Variants in EHMT1 observed in about 807,000 individuals in gnomAD.
EHMT1 encodes euchromatic histone lysine methyltransferase 1.
Under a neutral mutation model 147.2 loss-of-function variants are expected in EHMT1, and 15 were observed. The ratio of observed to expected loss-of-function variants is 0.10; its 90% confidence interval spans 0.07 to 0.16. The LOEUF (loss-of-function observed/expected upper bound fraction) is 0.16, where lower values mean the gene tolerates loss of function less well. EHMT1 is among the 10% of genes least tolerant of loss of function. EHMT1 has a pLI of 1.00. For missense variants in EHMT1, 1,587 were observed against 1,772.4 expected, an observed-to-expected ratio of 0.90 and a Z score of 1.88; for synonymous variants, 795 against 709.6, an observed-to-expected ratio of 1.12 and a Z score of -1.91.
At chr9:137,723,441 G>T (rs1276693980) in intron 3 of EHMT1, among the ~76,000 whole-genome samples, 2 of 139,674 alleles carry the variant, frequency 1.4e-5, no homozygotes, top group Non-Finnish European at 3.1e-5. Flanking sequence ...TGAGCCCGGG[G>T]TGTGCCCTGT....
At chr9:137,625,243 T>A (rs1843182192) in intron 1 of EHMT1, among the ~76,000 whole-genome samples, 1 of 152,240 alleles carries the variant, frequency 6.6e-6, no homozygotes, top group Non-Finnish European at 1.5e-5. Flanking sequence ...TTAGGATCGT[T>A]GCATCCGTGA....
At chr9:137,631,491 A>G (rs1843628727) in intron 1 of EHMT1, among the ~76,000 whole-genome samples, 1 of 152,220 alleles carries the variant, frequency 6.6e-6, no homozygotes. Context: ...ATTACTGTGC[A>G]TATTTCATGA....
chr9:137,812,725 C>A (rs888688868), intron 19 of EHMT1, among the ~76,000 whole-genome samples: 3 of 152,202 alleles, frequency 2.0e-5, no homozygotes, highest in Non-Finnish European at 4.4e-5. Context: ...ATGAAAAATC[C>A]AAGAAAAATC....
At chr9:137,724,042 C>G (rs1946347530) in intron 3 of EHMT1, among the ~76,000 whole-genome samples, 1 of 152,216 alleles carries the variant, frequency 6.6e-6, no homozygotes, top group Admixed American at 6.5e-5. Context: ...GTTGGCAGCT[C>G]CATTTCCTTG....
chr9:137,828,581 T>G lies in EHMT1; in HGVS notation c.3541-5768T>G, dbSNP rs1588919156. ...GCCACAAAGTGTGCTCCTGCGGGGG[T>G]GCGGGGTGGGGGAGGTACCACGTCT... is the stretch of plus-strand genomic sequence containing the variant. On this transcript the variant is annotated intron_variant, in intron 25 of 26. Transcript: ENST00000460843. This position sits in a 1 kb window ranked among gnomAD's most constrained non-coding sequence, Gnocchi z 5.3. Among the ~76,000 whole-genome samples the G allele has an allele frequency of 2.7e-5, 4 of 148,268 alleles. No individual in the cohort carries two copies. The highest frequency in any genetic ancestry group is 2.0e-4 in the East Asian group (1 of 4,980).
rs1047111459 is a variant in EHMT1 at position 137,639,641 on chromosome 9, G to T, written c.21+20592G>T. ...GTATAGCCACTTCAGTTTTTTTATG[G>T]TTTATTTTTGCATACTATATCTTTT... On this transcript the variant is annotated intron_variant, in intron 1 of 26. Coordinates refer to ENST00000460843, the MANE Select transcript of EHMT1 (RefSeq NM_024757.5). Among the ~76,000 whole-genome samples the T allele has an allele frequency of 1.2e-4, 19 of 152,080 alleles. No individual in the cohort carries two copies. In the East Asian group the frequency reaches 3.7e-3, roughly 29 times the overall value.
intron 2 of EHMT1, among the ~76,000 whole-genome samples, chr9:137,714,096 G>T (rs1944983650): frequency 6.6e-6 from 1 of 152,154 alleles, no homozygotes; most frequent in Admixed American, 6.6e-5. Context: ...GGGCTCATTT[G>T]GTTTCTTCCA....
chr9:137,624,269 A>G (rs2501554), intron 1 of EHMT1, among the ~76,000 whole-genome samples: 38,579 of 149,720 alleles, frequency 0.26, 6,622 homozygotes, highest in African/African-American at 0.47. Flanking sequence ...TCAAAGTGCT[A>G]GGATTACAGG....
rs562901927 is a variant in EHMT1 at position 137,807,264 on chromosome 9, T to G, written c.2713-4197T>G. ...AATTATTATTTTTTCCCTCTGTGTT[T>G]CAGTTGAGCAGGTTTTTGTTGGTTT... On this transcript the variant is annotated intron_variant, in intron 18 of 26. Coordinates refer to ENST00000460843, the MANE Select transcript of EHMT1 (RefSeq NM_024757.5). Among the ~76,000 whole-genome samples, 7 of 152,298 alleles carry G rather than the reference T, an allele frequency of 4.6e-5. 1 individual carries two copies. The East Asian group carries it at 1.4e-3, about 29-fold the overall frequency.
intron 10 of EHMT1, chr9:137,764,530 A>G (rs2136399139): frequency 6.6e-6 from 1 of 152,258 alleles, no homozygotes. Flanking sequence ...TGAACTACTT[A>G]CTGTTTTAAA....
At chr9:137,821,584 G>A (rs150954062) in intron 25 of EHMT1, among the ~76,000 whole-genome samples, 26 of 152,080 alleles carry the variant, frequency 1.7e-4, no homozygotes, top group African/African-American at 6.3e-4. Context: ...CTCCCACCTT[G>A]GCTTCCCAAA....
intron 18 of EHMT1, chr9:137,803,200 A>G (rs1269354747): frequency 1.7e-6 from 2 of 1,189,644 alleles, no homozygotes; most frequent in Admixed American, 4.5e-5. Context: ...TATTTATACA[A>G]TGAAACACTT....
chr9:137,646,450 G>A (rs1415807839), intron 1 of EHMT1: 1 of 985,058 alleles, frequency 1.0e-6, no homozygotes, highest in East Asian at 1.1e-4. Flanking sequence ...TAAGAGGGCT[G>A]AATGGGAGCC....
chr9:137,720,063 G>A (rs1174141803), intron 3 of EHMT1, among the ~76,000 whole-genome samples: 1 of 87,920 alleles, frequency 1.1e-5, no homozygotes, highest in East Asian at 2.8e-4. Context: ...TCGAGGTGCC[G>A]AACCCCCTCC....
chr9:137,689,528 C>A (rs1487903982), intron 1 of EHMT1, among the ~76,000 whole-genome samples: 4 of 152,014 alleles, frequency 2.6e-5, no homozygotes, highest in Non-Finnish European at 5.9e-5. Context: ...CATGGTGAAA[C>A]CCTGTCTCTA....
rs1950924929 is a variant in EHMT1 at position 137,775,956 on chromosome 9, CCT to C, written c.1792-661_1792-660del. On this transcript the variant is annotated intron_variant, in intron 11 of 26. Transcript: ENST00000460843. This position sits in a 1 kb window ranked among gnomAD's most constrained non-coding sequence, Gnocchi z 6.1. ...GCCTGTAAGCGTCTGTCTGTGTGCG[CCT>C]GTGTGTGTGAGTGTTTGAGTGTGAG... Among the ~76,000 whole-genome samples, 1 of 152,036 alleles carries C rather than the reference CCT, an allele frequency of 6.6e-6. No individual in the cohort carries two copies. The highest frequency in any genetic ancestry group is 1.5e-5 in the Non-Finnish European group (1 of 68,008).
chr9:137,797,127 G>C (rs1442664867), intron 16 of EHMT1, among the ~76,000 whole-genome samples: 5 of 151,986 alleles, frequency 3.3e-5, no homozygotes, highest in Admixed American at 6.6e-5. Flanking sequence ...AAGGAGGCAG[G>C]AAAAGAAACC....
chr9:137,817,825 CTGGGTTCTCAGGTACCAGA>C, intron 24 of EHMT1: 1 of 624,322 alleles, frequency 1.6e-6, no homozygotes, highest in Non-Finnish European at 2.8e-6. Context: ...GAGGACCATT[CTGGGTTCTCAGGTACCAGA>C]CCGCAGACGC....
At position 137,743,408 on chromosome 9, in the gene EHMT1, G is replaced by A. The variant is rs1427096164; in HGVS notation, c.861G>A (p.Arg287=). The A allele has an allele frequency of 6.2e-7, 1 of 1,610,452 alleles. No homozygotes were observed. Among genetic ancestry groups the A allele is most frequent in the Non-Finnish European group, 8.5e-7 (1 of 1,179,558 alleles). Residue 287 remains arginine, a synonymous_variant, in exon 5 of 27, where the codon CGG becomes CGA. Coordinates refer to ENST00000460843, the MANE Select transcript of EHMT1 (RefSeq NM_024757.5). ...LPFVLAAAVS[R]KKKRRMGTYS... is the part of the protein sequence containing the mutation. ...TTGTTTTAGCAGCTGCAGTATCTCG[G>A]AAGAAAAAACGAAGAATGGGAACCT...
Sources: allele counts gnomAD v4.1 joint callset (sites outside exome capture counted in the v4.1 genomes callset), GRCh38; gene constraint gnomAD v4.1.1; non-coding constraint Gnocchi (gnomAD v3.1); transcripts MANE v1.5; gene names NCBI Gene and HGNC (gene_info 2026-07-23, HGNC 2026-07-21).